Variants in PRMT3 observed in about 807,000 individuals in gnomAD.
The protein encoded by PRMT3 is protein arginine methyltransferase 3.
PRMT3 carries 62 observed loss-of-function variants against 71.9 expected under a neutral mutation model. The ratio of observed to expected loss-of-function variants is 0.86; its 90% CI spans 0.70 to 1.07. The LOEUF (loss-of-function observed/expected upper bound fraction) is 1.07, where lower values mean the gene tolerates loss of function less well. Among genes scored for constraint, PRMT3 ranks in the 50% least tolerant of loss-of-function variants. The pLI, the probability that PRMT3 is intolerant of heterozygous loss-of-function variation, is 0.00. For missense variants in PRMT3, 663 were observed against 643.0 expected, an observed-to-expected ratio of 1.03 and a Z score of -0.34; for synonymous variants, 213 against 220.4, an observed-to-expected ratio of 0.97 and a Z score of 0.30.
At chr11:20,390,088 T>C (rs913401703) in intron 3 of PRMT3, among the ~76,000 whole-genome samples, 3 of 150,636 alleles carry the variant, frequency 2.0e-5, no homozygotes, top group African/African-American at 7.3e-5. Context: ...GAGGCAGAGG[T>C]GGCAGTGAGC....
intron 9 of PRMT3, among the ~76,000 whole-genome samples, chr11:20,422,753 A>G (rs532524575): frequency 6.6e-6 from 1 of 152,274 alleles, no homozygotes; most frequent in African/African-American, 2.4e-5. Flanking sequence ...CACCATCCTG[A>G]GCTAACATAG....
intron 10 of PRMT3, among the ~76,000 whole-genome samples, chr11:20,440,071 A>G (rs1237024789): frequency 6.6e-6 from 1 of 152,248 alleles, no homozygotes; most frequent in Non-Finnish European, 1.5e-5. Flanking sequence ...TTTCTACTTC[A>G]TAGAAAATGA....
intron 7 of PRMT3, among the ~76,000 whole-genome samples, chr11:20,398,244 A>G (rs558038603): frequency 1.3e-5 from 2 of 152,240 alleles, no homozygotes; most frequent in South Asian, 4.1e-4. Context: ...AGCCATACTG[A>G]CTTTTGTTTG....
At chr11:20,470,479 T>C (rs1044152927) in intron 13 of PRMT3, among the ~76,000 whole-genome samples, 1 of 152,208 alleles carries the variant, frequency 6.6e-6, no homozygotes, top group East Asian at 1.9e-4. Flanking sequence ...AGTGAGAACA[T>C]GTGGTGTTTG....
At chr11:20,404,880 A>G (rs923805949) in intron 8 of PRMT3, among the ~76,000 whole-genome samples, 1 of 152,058 alleles carries the variant, frequency 6.6e-6, no homozygotes, top group African/African-American at 2.4e-5. Context: ...TCTTTTAGCC[A>G]TCTTCTCTTA....
At chr11:20,487,078 G>C (rs1368917547) in intron 13 of PRMT3, among the ~76,000 whole-genome samples, 1 of 151,338 alleles carries the variant, frequency 6.6e-6, no homozygotes, top group Non-Finnish European at 1.5e-5. Context: ...AAAAGAAGAA[G>C]AAGAATGAAG....
intron 13 of PRMT3, among the ~76,000 whole-genome samples, chr11:20,482,654 A>C (rs941733249): frequency 7.9e-5 from 12 of 152,050 alleles, no homozygotes; most frequent in African/African-American, 2.9e-4. Context: ...AATGACGTAT[A>C]AGGAAGTAAT....
At chr11:20,435,199 C>G (rs924411606) in intron 10 of PRMT3, among the ~76,000 whole-genome samples, 1 of 151,742 alleles carries the variant, frequency 6.6e-6, no homozygotes, top group Non-Finnish European at 1.5e-5. Flanking sequence ...AATATTTAAT[C>G]CATTTTTAGT....
At chr11:20,444,799 TATTA>T (rs1590069374) in intron 10 of PRMT3, among the ~76,000 whole-genome samples, 3 of 152,138 alleles carry the variant, frequency 2.0e-5, no homozygotes, top group African/African-American at 7.2e-5. Context: ...TTATTTTGTC[TATTA>T]ATTCTGTTAA....
intron 9 of PRMT3, among the ~76,000 whole-genome samples, chr11:20,412,383 G>A (rs1174477668): frequency 9.6e-6 from 1 of 103,924 alleles, no homozygotes; most frequent in Admixed American, 1.1e-4. Context: ...CTGTTGAACA[G>A]CTATGTAGTC....
intron 13 of PRMT3, among the ~76,000 whole-genome samples, chr11:20,487,303 A>G (rs916994943): frequency 6.6e-6 from 1 of 152,154 alleles, no homozygotes; most frequent in African/African-American, 2.4e-5. Context: ...CATGTTATGT[A>G]TATTCACAAA....
At chr11:20,402,717 G>A (rs1321626100) in intron 7 of PRMT3, among the ~76,000 whole-genome samples, 1 of 152,128 alleles carries the variant, frequency 6.6e-6, no homozygotes, top group Non-Finnish European at 1.5e-5. Context: ...TTGAGTTTCA[G>A]TCTTCATAAA....
intron 13 of PRMT3, among the ~76,000 whole-genome samples, chr11:20,479,460 G>A (rs907375257): frequency 2.0e-5 from 3 of 152,078 alleles, no homozygotes; most frequent in Admixed American, 2.0e-4. Context: ...TAATACTAAA[G>A]AATTATTGAA....
intron 13 of PRMT3, among the ~76,000 whole-genome samples, chr11:20,469,234 TAG>T (rs1489173671): frequency 6.6e-6 from 1 of 152,208 alleles, no homozygotes; most frequent in Non-Finnish European, 1.5e-5. Flanking sequence ...GGAAAGTTTA[TAG>T]GTGTTCAAAA....
chr11:20,461,517 TAAATG>T (rs1342044280), intron 11 of PRMT3, among the ~76,000 whole-genome samples: 2 of 152,230 alleles, frequency 1.3e-5, no homozygotes, highest in African/African-American at 2.4e-5. Flanking sequence ...ATTTTTCTAT[TAAATG>T]AGAGTAATAT....
At chr11:20,416,175 T>G (rs1173640002) in intron 9 of PRMT3, among the ~76,000 whole-genome samples, 1 of 152,166 alleles carries the variant, frequency 6.6e-6, no homozygotes, top group African/African-American at 2.4e-5. Flanking sequence ...CCCACCACTC[T>G]CTGTCATCTG....
At chr11:20,493,816 T>G in intron 13 of PRMT3, 103 bp from the exon 14 acceptor site, 1 of 755,116 alleles carries the variant, frequency 1.3e-6, no homozygotes, top group Non-Finnish European at 2.2e-6. Context: ...GTATTTAGTC[T>G]CTGAAATGGT....
chr11:20,507,534 G>A (rs1763875778), intron 15 of PRMT3, among the ~76,000 whole-genome samples: 1 of 152,224 alleles, frequency 6.6e-6, no homozygotes, highest in Non-Finnish European at 1.5e-5. Flanking sequence ...CCAGCACTTT[G>A]GGAGGCTGAG....
At chr11:20,473,156 C>T (rs956289266) in intron 13 of PRMT3, among the ~76,000 whole-genome samples, 5 of 151,694 alleles carry the variant, frequency 3.3e-5, no homozygotes, top group East Asian at 1.9e-4. Flanking sequence ...AGCAGTCTAT[C>T]GTATTAATTT....
Sources: gnomAD v4.1 joint callset for allele counts (sites outside exome capture counted in the v4.1 genomes callset) on GRCh38, gnomAD v4.1.1 for gene constraint, MANE v1.5 for transcripts, NCBI Gene and HGNC (gene_info 2026-07-23, HGNC 2026-07-21) for gene names.